Variants in TSHZ3 observed in about 807,000 individuals in gnomAD.
TSHZ3 encodes teashirt zinc finger homeobox 3.
A neutral mutation model predicts 64.5 loss-of-function variants in TSHZ3; 10 were observed. The ratio of observed to expected loss-of-function variants is 0.16; its 90% CI spans 0.10 to 0.26. The LOEUF (loss-of-function observed/expected upper bound fraction) is 0.26, where lower values mean the gene tolerates loss of function less well. Ranked by LOEUF, TSHZ3 falls within the 10% of genes least tolerant of loss-of-function variation. The probability of loss-of-function intolerance (pLI) is 1.00; values close to 1 mark genes in which losing one functional copy is unlikely to be tolerated. For synonymous variants in TSHZ3, 608 were observed against 593.1 expected (o/e 1.03, Z -0.36); for missense variants, 1,242 against 1,421.7 (o/e 0.87, Z 2.03).
At chr19:31,200,185 C>G (rs1394624276) in intron 5 of TSHZ3, among the ~76,000 whole-genome samples, 3 of 152,022 alleles carry the variant, frequency 2.0e-5, no homozygotes, top group African/African-American at 7.2e-5. Flanking sequence ...TAAACACACT[C>G]TTACCATACC....
chr19:31,284,496 G>A (rs917935047), intron 1 of TSHZ3, among the ~76,000 whole-genome samples: 1 of 152,136 alleles, frequency 6.6e-6, no homozygotes, highest in African/African-American at 2.4e-5. Context: ...AGCCCTGAAG[G>A]AAGGGAGTCC....
rs748393536 is a variant in TSHZ3 at position 31,326,538 on chromosome 19, G to A, written c.40+22642C>T. Among the ~76,000 whole-genome samples, 7 of 152,222 alleles carry A rather than the reference G, an allele frequency of 4.6e-5. No homozygotes were observed. The East Asian group carries it at 5.8e-4, about 13-fold the overall frequency. ...TGTGTCTGTGTGTGCATGAGCACGCGTACACACCCACACCCAGATGCTCGG... is the reference window on the plus strand; with the variant it reads ...TGTGTCTGTGTGTGCATGAGCACGCATACACACCCACACCCAGATGCTCGG... On this transcript the variant is annotated intron_variant, in intron 1 of 1. Coordinates refer to ENST00000240587, the MANE Select transcript of TSHZ3 (RefSeq NM_020856.4).
At chr19:31,183,710 C>A (rs1568340173) in intron 5 of TSHZ3, among the ~76,000 whole-genome samples, 1 of 152,086 alleles carries the variant, frequency 6.6e-6, no homozygotes, top group Non-Finnish European at 1.5e-5. Context: ...AGGTCAGCCA[C>A]CCTCTGCTGT....
At chr19:31,297,341 C>T (rs549344852) in intron 1 of TSHZ3, among the ~76,000 whole-genome samples, 63 of 152,310 alleles carry the variant, frequency 4.1e-4, no homozygotes, top group Non-Finnish European at 5.9e-4. Flanking sequence ...GCAGTGAGAC[C>T]TCTCTGGGCC....
chr19:31,272,865 C>G (rs1040592597), downstream of TSHZ3, among the ~76,000 whole-genome samples: 5 of 152,176 alleles, frequency 3.3e-5, no homozygotes, highest in Non-Finnish European at 7.3e-5. Flanking sequence ...ACCCGCGCAC[C>G]TGTGATTAAA....
chr19:31,178,359 G>A (rs1384341668), intron 5 of TSHZ3, among the ~76,000 whole-genome samples: 6 of 152,112 alleles, frequency 3.9e-5, no homozygotes, highest in Non-Finnish European at 7.3e-5. Context: ...TTGCCACAAG[G>A]ATCTATCCTT....
At position 31,180,961 on chromosome 19, in the gene TSHZ3, C is replaced by T. The variant is rs73552078; in HGVS notation, n.809+23995G>A. Among the ~76,000 whole-genome samples, 164 of 152,236 alleles carry T rather than the reference C, an allele frequency of 1.1e-3. 1 individual carries two copies. Among genetic ancestry groups the T allele is most frequent in the African/African-American group, 3.7e-3 (155 of 41,554 alleles). On this transcript the variant is annotated intron_variant and non_coding_transcript_variant, in intron 5 of 6. Transcript: ENST00000651361. Reference sequence around the variant, plus strand: ...CGATGTCACCATCTTGTCAACTCACCTGCTAATTTCAGTATATGCAGAACA... The same window carrying T: ...CGATGTCACCATCTTGTCAACTCACTTGCTAATTTCAGTATATGCAGAACA...
chr19:31,218,608 G>A (rs918918017), intron 4 of TSHZ3, among the ~76,000 whole-genome samples: 2 of 152,208 alleles, frequency 1.3e-5, no homozygotes, highest in African/African-American at 2.4e-5. Context: ...GTGGATATGT[G>A]TAATAGGTTT....
chr19:31,213,356 C>CAAAAAAAAAAAAAAAAAAA (rs35192337), intron 4 of TSHZ3, among the ~76,000 whole-genome samples: 3 of 23,284 alleles, frequency 1.3e-4, no homozygotes, highest in African/African-American at 4.4e-4. Context: ...GACTCTGTCT[C>CAAAAAAAAAAAAAAAAAAA]AAAAAAAAAA....
intron 1 of TSHZ3, among the ~76,000 whole-genome samples, chr19:31,291,479 A>G (rs925057948): frequency 1.3e-5 from 2 of 152,156 alleles, no homozygotes; most frequent in African/African-American, 4.8e-5. Flanking sequence ...CAAGATCAGA[A>G]AGAGAAGGCA....
downstream of TSHZ3, among the ~76,000 whole-genome samples, chr19:31,273,674 G>A (rs189765096): frequency 5.3e-5 from 8 of 152,356 alleles, no homozygotes; most frequent in East Asian, 9.6e-4. Flanking sequence ...CGGAAGGCAC[G>A]GGAGGGAGGA....
intron 1 of TSHZ3, among the ~76,000 whole-genome samples, chr19:31,298,585 T>C (rs1384724740): frequency 6.6e-6 from 1 of 152,154 alleles, no homozygotes; most frequent in Admixed American, 6.5e-5. Flanking sequence ...GCAGCAGTAC[T>C]GTCTGGGAAC....
chr19:31,213,902 G>A (rs1037779226), intron 4 of TSHZ3, among the ~76,000 whole-genome samples: 1 of 152,160 alleles, frequency 6.6e-6, no homozygotes, highest in Non-Finnish European at 1.5e-5. Flanking sequence ...ATCTTCCTTT[G>A]AGGATTTGAG....
intron 1 of TSHZ3, among the ~76,000 whole-genome samples, chr19:31,255,718 G>A (rs1354218208): frequency 6.6e-6 from 1 of 152,158 alleles, no homozygotes; most frequent in African/African-American, 2.4e-5. Context: ...CAGCAGAGGG[G>A]TCTGCGCATG....
chr19:31,333,126 AAATAAAT>A (rs1917141957), intron 1 of TSHZ3, among the ~76,000 whole-genome samples: 1 of 150,786 alleles, frequency 6.6e-6, no homozygotes, highest in Non-Finnish European at 1.5e-5. Flanking sequence ...ATAAATAAAT[AAATAAAT>A]AAATAAATAA....
At chr19:31,228,329 C>T (rs764202571) in intron 3 of TSHZ3, among the ~76,000 whole-genome samples, 1 of 152,010 alleles carries the variant, frequency 6.6e-6, no homozygotes, top group African/African-American at 2.4e-5. Flanking sequence ...AGTTCAAGAC[C>T]AGCTTGGGCA....
At chr19:31,323,054 G>A (rs2145169842) in intron 1 of TSHZ3, among the ~76,000 whole-genome samples, 1 of 152,292 alleles carries the variant, frequency 6.6e-6, no homozygotes, top group South Asian at 2.1e-4. Flanking sequence ...GTGTTGGGTT[G>A]GTATTGTATT....
intron 3 of TSHZ3, among the ~76,000 whole-genome samples, chr19:31,241,533 C>T (rs1448101063): frequency 6.6e-6 from 1 of 152,208 alleles, no homozygotes; most frequent in East Asian, 1.9e-4. Flanking sequence ...CTCTGGTAAG[C>T]ACTAGGTAAT....
At chr19:31,238,798 C>T (rs1288911446) in intron 3 of TSHZ3, among the ~76,000 whole-genome samples, 1 of 152,180 alleles carries the variant, frequency 6.6e-6, no homozygotes, top group Non-Finnish European at 1.5e-5. Flanking sequence ...GTGTCTCCTA[C>T]AGATAGCATC....
Sources: allele counts gnomAD v4.1 joint callset (sites outside exome capture counted in the v4.1 genomes callset), GRCh38; gene constraint gnomAD v4.1.1; transcripts MANE v1.5; gene names NCBI Gene and HGNC (gene_info 2026-07-23, HGNC 2026-07-21).